Variants in ENOSF1 observed in about 807,000 individuals in gnomAD.
The protein encoded by ENOSF1 is enolase superfamily member 1.
ENOSF1 carries 73 observed loss-of-function variants against 68.2 expected under a neutral mutation model. That is an observed-to-expected ratio of 1.07 (90% CI 0.89 to 1.30). The LOEUF (loss-of-function observed/expected upper bound fraction) is 1.30. Among genes scored for constraint, ENOSF1 ranks in the 50% most tolerant of loss-of-function variants. The probability of loss-of-function intolerance (pLI) is 0.00; values close to 1 mark genes in which losing one functional copy is unlikely to be tolerated. For synonymous variants in ENOSF1, 223 were observed against 210.4 expected (o/e 1.06, Z -0.52); for missense variants, 589 against 554.5 (o/e 1.06, Z -0.62).
In ENOSF1 at chr18:694,318, C is replaced by T; in HGVS notation, c.326G>A (p.Gly109Asp). 1 of 1,614,130 alleles carries T rather than the reference C, an allele frequency of 6.2e-7. No individual in the cohort carries two copies. Among genetic ancestry groups the T allele is most frequent in the Non-Finnish European group, 8.5e-7 (1 of 1,180,032 alleles). The change falls in exon 4 of 16, where the codon GGC becomes GAC. Residue 109 changes from glycine (G) to aspartate (D), a missense_variant. Coordinates refer to ENST00000647584, the MANE Select transcript of ENOSF1 (RefSeq NM_017512.7). ...GQLRWIGPEKGVVHLATAAVL... is the reference protein window; with the variant it reads ...GQLRWIGPEKDVVHLATAAVL... The stretch of plus-strand genomic sequence containing the variant: ...GGCCGCTGTCGCCAGGTGCACCACG[C>T]CCTTTTCTGGACCAATCTGGTTAGG...
chr18:677,061 G>A (rs1306387868), intron 14 of ENOSF1, among the ~76,000 whole-genome samples: 2 of 152,226 alleles, frequency 1.3e-5, no homozygotes, highest in East Asian at 1.9e-4. Context: ...CAGAATACAC[G>A]TGATGAAAAC....
In ENOSF1 at chr18:677,820, A is replaced by G; in HGVS notation, c.971T>C (p.Phe324Ser). The change falls in exon 13 of 16, where the codon TTC becomes TCC. Residue 324 changes from phenylalanine to serine, a missense_variant. Physicochemically the swap from Phe to Ser is radical, Grantham distance 155. Coordinates refer to ENST00000647584, the MANE Select transcript of ENOSF1 (RefSeq NM_017512.7). The part of the protein sequence containing the change: ...KQLLQAKALQ[F>S]LQIDSCRLGS... ...CAGTCTGCAACTGTCAATCTGGAGG[A>G]ACTGCAGGGCCTTCGCCTGTAGGAG... 2 of 1,614,186 alleles carry G rather than the reference A, an allele frequency of 1.2e-6. No homozygotes were observed. The highest frequency in any genetic ancestry group is 1.1e-5 in the South Asian group (1 of 91,082).
chr18:681,148 C>A (rs1469553894), intron 11 of ENOSF1, among the ~76,000 whole-genome samples: 5 of 147,268 alleles, frequency 3.4e-5, no homozygotes, highest in Non-Finnish European at 7.7e-5. Context: ...AGGTGTGAGC[C>A]ACTATGCCTG....
At position 678,767 on chromosome 18, in the gene ENOSF1, T is replaced by C. The variant is rs1488816497; in HGVS notation, c.877-30A>G. ...AAAATAGAAGGCAGCCTGGTGTTAT[T>C]TTCCTAAGTTTTGAACTGCAACTCC... On this transcript the variant is annotated intron_variant, in intron 11 of 15. Coordinates refer to ENST00000647584, the MANE Select transcript of ENOSF1 (RefSeq NM_017512.7). 3.1e-6 allele frequency: 5 copies of C among 1,612,880 alleles called. No homozygotes were observed. The South Asian group carries it at 3.3e-5, about 11-fold the overall frequency.
chr18:697,163 C>T, intron 3 of ENOSF1, 77 bp downstream of exon 3: 1 of 955,804 alleles, frequency 1.0e-6, no homozygotes, highest in Non-Finnish European at 1.7e-6. Flanking sequence ...TCTATTTTCA[C>T]ATTCGTTGCA....
intron 11 of ENOSF1, among the ~76,000 whole-genome samples, chr18:679,825 G>C (rs2075898125): frequency 6.6e-6 from 1 of 152,086 alleles, no homozygotes; most frequent in Non-Finnish European, 1.5e-5. Flanking sequence ...AGGTAGCCTT[G>C]GTTCCTCCCT....
rs2144372139 is a variant in ENOSF1, at chr18:671,097, C to G, written c.*3208G>C. 1 of 627,816 alleles carries G rather than the reference C, an allele frequency of 1.6e-6. No homozygotes were observed. The highest frequency in any genetic ancestry group is 2.0e-5 in the South Asian group (1 of 49,646). 38.9% of individuals were successfully genotyped at this position (627,816 alleles called of 1,614,324 possible). ...ATACAGGTTGTTTGTGATACAGCTT[C>G]TATGGATTTTCTCAAAAGCTATGCT... is the stretch of plus-strand genomic sequence containing the variant. On this transcript the variant is annotated 3_prime_UTR_variant, in exon 16 of 16. Coordinates refer to ENST00000647584, the MANE Select transcript of ENOSF1 (RefSeq NM_017512.7).
At chr18:686,330 G>A (rs2076608677) in intron 9 of ENOSF1, 2 of 310,228 alleles carry the variant, frequency 6.4e-6, no homozygotes, top group Non-Finnish European at 1.2e-5. Flanking sequence ...GCCACAGTGA[G>A]AACTGAAGAG....
Position 673,128 on chromosome 18 carries a change from T to A in ENOSF1, c.*1177A>T. 1 of 1,054,546 alleles carries A rather than the reference T, an allele frequency of 9.5e-7. No individual in the cohort carries two copies. The highest frequency in any genetic ancestry group is 1.3e-6 in the Non-Finnish European group (1 of 765,136). The allele number at this position is 1,054,546 out of a possible 1,614,324, so 65.3% of individuals were successfully genotyped here. ...AATCTGTCCGTGACCTATCAGTTATTAATTTTTAAGGATGTTGCCACTGGC... is the reference window on the plus strand; with the variant it reads ...AATCTGTCCGTGACCTATCAGTTATAAATTTTTAAGGATGTTGCCACTGGC... On this transcript the variant is annotated 3_prime_UTR_variant, in exon 16 of 16. Transcript: ENST00000647584.
chr18:712,369 C>G, intron 1 of ENOSF1, 135 bp downstream of exon 1: 1 of 1,532,412 alleles, frequency 6.5e-7, no homozygotes, highest in East Asian at 2.5e-5. Context: ...CCATGGCGTC[C>G]GCGCTTACCA....
intron 3 of ENOSF1, among the ~76,000 whole-genome samples, chr18:695,615 A>G (rs918123596): frequency 2.6e-5 from 4 of 151,970 alleles, no homozygotes; most frequent in Non-Finnish European, 5.9e-5. Context: ...TATTATTTTT[A>G]TTTTTAAAAA....
chr18:683,945 G>A (rs2076360419), intron 10 of ENOSF1, among the ~76,000 whole-genome samples: 1 of 151,554 alleles, frequency 6.6e-6, no homozygotes, highest in African/African-American at 2.4e-5. Context: ...GGTGGCTCAT[G>A]CCTGTAATCT....
chr18:688,659 A>T, intron 8 of ENOSF1, 51 bp from the exon 9 acceptor site: 5 of 1,538,856 alleles, frequency 3.2e-6, no homozygotes, highest in Non-Finnish European at 4.5e-6. Flanking sequence ...CCTTGGTCTG[A>T]CCAGGAAGTC....
intron 1 of ENOSF1, among the ~76,000 whole-genome samples, chr18:712,032 C>A (rs1168534118): frequency 6.6e-6 from 1 of 152,162 alleles, no homozygotes; most frequent in African/African-American, 2.4e-5. Flanking sequence ...AGGAAGCCAG[C>A]GAGCGCTGTG....
At chr18:667,011 T>C (rs1297028091), downstream of ENOSF1, among the ~76,000 whole-genome samples, 14 of 5,898 alleles carry the variant, frequency 2.4e-3, 1 homozygote, top group African/African-American at 9.7e-3. Context: ...ATGGTGATGG[T>C]GATGGAGATG....
chr18:709,491 G>A (rs559742616), intron 1 of ENOSF1, among the ~76,000 whole-genome samples: 2 of 152,314 alleles, frequency 1.3e-5, no homozygotes, highest in Admixed American at 6.5e-5. Context: ...AAGGAGGTAA[G>A]CCCGGAGTAG....
chr18:671,284 A>G lies in ENOSF1; in HGVS notation c.*3021T>C. The G allele has an allele frequency of 2.3e-6, 2 of 852,356 alleles. No homozygotes were observed. Among genetic ancestry groups the G allele is most frequent in the South Asian group, 2.8e-5 (2 of 70,408 alleles). 52.8% of individuals were successfully genotyped at this position (852,356 alleles called of 1,614,324 possible). A position where few individuals can be genotyped will look rare whatever the true frequency, so the allele number is the denominator to read the frequency against. ...GCTACACTAAATTATTTTTTTAAAA[A>G]AAGCCTTGCGGTGTCTGCATATTCT... On this transcript the variant is annotated 3_prime_UTR_variant, in exon 16 of 16. Coordinates refer to ENST00000647584, the MANE Select transcript of ENOSF1 (RefSeq NM_017512.7).
chr18:704,307 T>C (rs928128356), intron 2 of ENOSF1, among the ~76,000 whole-genome samples: 2 of 151,744 alleles, frequency 1.3e-5, no homozygotes, highest in African/African-American at 4.8e-5. Flanking sequence ...TGTGTGCCTG[T>C]AATCCCAGCT....
In ENOSF1 at chr18:691,228, C is replaced by T; in HGVS notation, c.472G>A (p.Val158Ile). The T allele has an allele frequency of 6.2e-7, 1 of 1,614,220 alleles. No individual in the cohort carries two copies. The highest frequency in any genetic ancestry group is 1.3e-5 in the African/African-American group (1 of 75,062). Residue 158 changes from valine (V) to isoleucine (I), a missense_variant, in exon 6 of 16, where the codon GTC (valine) becomes ATC (isoleucine). By Grantham distance (29) the Val-to-Ile change is conservative. Transcript: ENST00000647584. ...SCIDFRYITD[V>I]LTEEDALEIL... Reference sequence around the variant, plus strand: ...CCTAGGGCATCCTCCTCAGTCAGGACATCAGTGATGTACCTGAAATCTATG... The same window carrying T: ...CCTAGGGCATCCTCCTCAGTCAGGATATCAGTGATGTACCTGAAATCTATG...
Sources: allele counts gnomAD v4.1 joint callset (sites outside exome capture counted in the v4.1 genomes callset), GRCh38; gene constraint gnomAD v4.1.1; transcripts MANE v1.5; gene names NCBI Gene and HGNC (gene_info 2026-07-23, HGNC 2026-07-21).